The following UQCC4 variants were observed in gnomAD, a reference collection of about 807,000 sequenced individuals.
UQCC4 encodes ubiquinol-cytochrome c reductase complex assembly factor 4.
At chr16:1,420,410 C>T in the UQCC4 span, 1 of 1,614,266 alleles carries the variant, frequency 6.2e-7, no homozygotes, top group Admixed American at 1.7e-5. Flanking sequence ...AGGGGCAGCA[C>T]CTTCCACCAG....
the UQCC4 span, chr16:1,420,747 C>G: frequency 6.5e-7 from 1 of 1,535,270 alleles, no homozygotes; most frequent in African/African-American, 1.4e-5. Flanking sequence ...CCTCGACTGA[C>G]GCCTTGGCGC....
At chr16:1,420,107 T>C in the UQCC4 span, 1 of 1,613,318 alleles carries the variant, frequency 6.2e-7, no homozygotes, top group Non-Finnish European at 8.5e-7. Context: ...CGAATCAGCA[T>C]AGCCAAGTGC....
At chr16:1,420,144 G>A in the UQCC4 span, 2 of 1,613,730 alleles carry the variant, frequency 1.2e-6, no homozygotes, top group African/African-American at 1.3e-5. Context: ...GTCCTTCAGT[G>A]CTGAGGACGC....
chr16:1,420,136 C>A, the UQCC4 span: 1 of 1,613,600 alleles, frequency 6.2e-7, no homozygotes, highest in Non-Finnish European at 8.5e-7. Context: ...CCAGCCAAGT[C>A]CTTCAGTGCT....
the UQCC4 span, chr16:1,419,793 T>C: frequency 2.7e-6 from 2 of 733,022 alleles, no homozygotes; most frequent in Middle Eastern, 3.8e-4. Flanking sequence ...TTTGTTGTTG[T>C]GTAAAACTCA....
chr16:1,420,280 G>A, the UQCC4 span: 1 of 1,614,036 alleles, frequency 6.2e-7, no homozygotes, highest in Non-Finnish European at 8.5e-7. Context: ...TGGAGTCTCA[G>A]GCTCCTCAGA....
the UQCC4 span, chr16:1,420,002 A>G: frequency 1.2e-6 from 2 of 1,602,062 alleles, no homozygotes; most frequent in Non-Finnish European, 1.7e-6. Flanking sequence ...AACCTTCCCC[A>G]AGGATCTGAG....
chr16:1,419,921 C>T, the UQCC4 span: 1 of 1,464,644 alleles, frequency 6.8e-7, no homozygotes, highest in Non-Finnish European at 9.2e-7. Context: ...CAAGTGTCAC[C>T]AGAAGTGCTT....
At chr16:1,420,694 G>GGCC in the UQCC4 span, 15 of 1,544,754 alleles carry the variant, frequency 9.7e-6, no homozygotes, top group Admixed American at 2.0e-5. Context: ...GAGCTCACCC[G>GGCC]GCCGCCGGGG....
At chr16:1,420,142 G>A in the UQCC4 span, 1 of 1,613,722 alleles carries the variant, frequency 6.2e-7, no homozygotes, top group Non-Finnish European at 8.5e-7. Flanking sequence ...AAGTCCTTCA[G>A]TGCTGAGGAC....
the UQCC4 span, chr16:1,420,635 C>T: frequency 1.9e-6 from 3 of 1,549,652 alleles, no homozygotes; most frequent in Non-Finnish European, 2.6e-6. Context: ...GAGCAGTAAG[C>T]GCTCCGCCCG....
chr16:1,419,783 TTTG>T, the UQCC4 span: 41 of 649,906 alleles, frequency 6.3e-5, 1 homozygote, highest in Admixed American at 8.2e-4. Context: ...TTTATTTTCA[TTTG>T]TTGTTGTGTA....
the UQCC4 span, chr16:1,420,183 C>T: frequency 6.2e-7 from 1 of 1,614,048 alleles, no homozygotes; most frequent in African/African-American, 1.3e-5. Context: ...CACGGGCAAA[C>T]GTGACATCAA....
the UQCC4 span, chr16:1,420,612 C>T: frequency 6.4e-7 from 1 of 1,568,734 alleles, no homozygotes; most frequent in South Asian, 1.2e-5. Context: ...CCCGGACGGC[C>T]CTGGAAGAGA....
At chr16:1,420,444 G>C in the UQCC4 span, 27 of 1,614,242 alleles carry the variant, frequency 1.7e-5, no homozygotes, top group Non-Finnish European at 2.1e-5. Context: ...CCTTTCCCAT[G>C]GTATGGCCCA....
the UQCC4 span, chr16:1,420,137 C>A: frequency 1.9e-6 from 3 of 1,613,484 alleles, no homozygotes; most frequent in Admixed American, 5.0e-5. Flanking sequence ...CAGCCAAGTC[C>A]TTCAGTGCTG....
chr16:1,420,214 C>A, the UQCC4 span: 1 of 1,613,836 alleles, frequency 6.2e-7, no homozygotes. Flanking sequence ...CGGCTGTCGG[C>A]TCCCTTCCTG....
chr16:1,420,243 C>T, the UQCC4 span: 4 of 1,613,260 alleles, frequency 2.5e-6, no homozygotes, highest in African/African-American at 4.0e-5. Flanking sequence ...AGCGGGCACC[C>T]CGTCAAGTTC....
At chr16:1,420,313 T>C in the UQCC4 span, 15 of 1,614,006 alleles carry the variant, frequency 9.3e-6, no homozygotes, top group South Asian at 1.5e-4. Context: ...CTCTGGCACC[T>C]CTCCCCACAC....
Sources: gnomAD v4.1 joint callset for allele counts on GRCh38, gnomAD v4.1.1 for gene constraint, MANE v1.5 for transcripts, NCBI Gene and HGNC (gene_info 2026-07-23, HGNC 2026-07-21) for gene names.